Variants in STRADA observed in about 807,000 individuals in gnomAD.
STRADA encodes the protein STE20-related kinase adapter protein alpha.
Under a neutral mutation model 55.0 loss-of-function variants are expected in STRADA, and 26 were observed. The ratio of observed to expected loss-of-function variants is 0.47; its 90% CI spans 0.35 to 0.66. The LOEUF is 0.66. Among genes scored for constraint, STRADA ranks in the 30% least tolerant of loss-of-function variants. The probability of loss-of-function intolerance (pLI) is 0.01; values close to 1 mark genes in which losing one functional copy is unlikely to be tolerated. For missense variants in STRADA, 443 were observed against 549.7 expected, an observed-to-expected ratio of 0.81 and a Z score of 1.94; for synonymous variants, 197 against 210.9, an observed-to-expected ratio of 0.93 and a Z score of 0.57.
At chr17:63,705,437 G>C (rs2036020604) in intron 10 of STRADA, 1 of 161,658 alleles carries the variant, frequency 6.2e-6, no homozygotes, top group Non-Finnish European at 1.4e-5. Flanking sequence ...TTTCTTTCCT[G>C]AGCATCCTCT....
intron 2 of STRADA, 27 bp from the exon 3 acceptor site, chr17:63,726,722 T>C: frequency 6.2e-7 from 1 of 1,612,448 alleles, no homozygotes; most frequent in Non-Finnish European, 8.5e-7. Flanking sequence ...CAAAGAGAAT[T>C]AGTATTTCTT....
chr17:63,741,969 C>G (rs936979988), upstream of STRADA: 9 of 152,270 alleles, frequency 5.9e-5, no homozygotes, highest in Non-Finnish European at 1.5e-5. Flanking sequence ...GCCGCCGCGC[C>G]GAGAGCGGTT....
At chr17:63,710,345 T>C in intron 8 of STRADA, 146 bp downstream of exon 8, 2 of 1,403,814 alleles carry the variant, frequency 1.4e-6, no homozygotes, top group South Asian at 1.4e-5. Context: ...CCTGTTTCTT[T>C]TCAGAGCAAA....
At chr17:63,706,772 C>G (rs1007150306) in intron 9 of STRADA, 33 bp from the exon 10 acceptor site, 21 of 1,550,132 alleles carry the variant, frequency 1.4e-5, no homozygotes, top group Non-Finnish European at 1.8e-5. Flanking sequence ...CAGATTACCC[C>G]ATTTGGTCTT....
At chr17:63,703,976 C>T (rs2035889433) in intron 12 of STRADA, 29 bp downstream of exon 12, 13 of 1,613,416 alleles carry the variant, frequency 8.1e-6, no homozygotes, top group Non-Finnish European at 1.1e-5. Flanking sequence ...AGAACTAGAA[C>T]CAGAACCAGA....
intron 1 of STRADA, among the ~76,000 whole-genome samples, chr17:63,734,849 G>C (rs1165993000): frequency 6.6e-6 from 1 of 152,072 alleles, no homozygotes; most frequent in Non-Finnish European, 1.5e-5. Context: ...TATTAGGAAA[G>C]GTTAACATCT....
chr17:63,738,834 A>AAATAATAATAAT (rs372982779), intron 1 of STRADA, among the ~76,000 whole-genome samples: 1,957 of 146,262 alleles, frequency 0.013, 30 homozygotes, highest in Non-Finnish European at 0.019. Context: ...CTCCATCTCA[A>AAATAATAATAAT]AATAATAATA....
At chr17:63,728,202 C>T in intron 2 of STRADA, 132 bp downstream of exon 2, 4 of 777,860 alleles carry the variant, frequency 5.1e-6, no homozygotes, top group South Asian at 1.8e-5. Context: ...GCACTACCTG[C>T]CTTACTTCCT....
chr17:63,712,496 C>G (rs1418496025), intron 6 of STRADA: 2 of 152,034 alleles, frequency 1.3e-5, no homozygotes, highest in African/African-American at 4.8e-5. Context: ...GTTGATTGCT[C>G]GAGCTCAGGA....
At chr17:63,731,268 T>C (rs1370725291) in intron 1 of STRADA, among the ~76,000 whole-genome samples, 1 of 144,622 alleles carries the variant, frequency 6.9e-6, no homozygotes, top group Non-Finnish European at 1.5e-5. Flanking sequence ...TTTTTTTTTT[T>C]TTTTTTTTTT....
chr17:63,729,920 C>T (rs1187292878), intron 1 of STRADA, among the ~76,000 whole-genome samples: 1 of 151,722 alleles, frequency 6.6e-6, no homozygotes, highest in Admixed American at 6.6e-5. Flanking sequence ...TCACTGCAAC[C>T]TCCGCCTCCC....
Position 63,728,322 on chromosome 17 carries a change from A to G in STRADA, c.36+12T>C. The G allele has an allele frequency of 6.2e-7, 1 of 1,613,194 alleles. No individual in the cohort carries two copies. The highest frequency in any genetic ancestry group is 1.1e-5 in the South Asian group (1 of 90,980). On this transcript the variant is annotated intron_variant, in intron 2 of 12. Transcript: ENST00000336174. Reference sequence around the variant, plus strand: ...AAAAATAGTAAAGCCAGAAGAATAGAAAAACACTCACCCTGATTCGCTCTG... The same window carrying G: ...AAAAATAGTAAAGCCAGAAGAATAGGAAAACACTCACCCTGATTCGCTCTG...
At chr17:63,730,981 C>T (rs1320174362) in intron 1 of STRADA, among the ~76,000 whole-genome samples, 1 of 150,472 alleles carries the variant, frequency 6.6e-6, no homozygotes, top group Non-Finnish European at 1.5e-5. Flanking sequence ...GAGTCTCGCT[C>T]TGTTGCCAGG....
chr17:63,735,089 A>C (rs930088565), intron 1 of STRADA, among the ~76,000 whole-genome samples: 4 of 152,170 alleles, frequency 2.6e-5, no homozygotes, highest in Non-Finnish European at 5.9e-5. Context: ...CAGGAGGGAG[A>C]GGTTGCAGTG....
chr17:63,739,764 G>GTATATATATACATATAT (rs2038733267), intron 1 of STRADA, among the ~76,000 whole-genome samples: 1 of 112,408 alleles, frequency 8.9e-6, no homozygotes, highest in African/African-American at 3.9e-5. Flanking sequence ...ATATATTTAT[G>GTATATATATACATATAT]TATATATGTA....
intron 8 of STRADA, among the ~76,000 whole-genome samples, chr17:63,708,156 C>T (rs1208812878): frequency 6.6e-6 from 1 of 152,144 alleles, no homozygotes; most frequent in African/African-American, 2.4e-5. Flanking sequence ...GCTGGGATTA[C>T]AGGTGTGAAT....
intron 3 of STRADA, 65 bp from the exon 4 acceptor site, chr17:63,723,391 C>G: frequency 6.3e-7 from 1 of 1,586,844 alleles, no homozygotes; most frequent in East Asian, 2.2e-5. Context: ...ACATTCAGAA[C>G]AGCAATTATT....
chr17:63,718,593 C>T (rs757854719), intron 4 of STRADA, among the ~76,000 whole-genome samples: 3 of 152,202 alleles, frequency 2.0e-5, no homozygotes, highest in Non-Finnish European at 2.9e-5. Flanking sequence ...CTCCCCACCC[C>T]AGCCTATGAG....
chr17:63,731,979 C>T (rs1295726178), intron 1 of STRADA, among the ~76,000 whole-genome samples: 1 of 152,176 alleles, frequency 6.6e-6, no homozygotes. Context: ...ATTCTCCTGC[C>T]TCAGCCTCCT....
Sources: allele counts gnomAD v4.1 joint callset (sites outside exome capture counted in the v4.1 genomes callset), GRCh38; gene constraint gnomAD v4.1.1; transcripts MANE v1.5; gene names NCBI Gene and HGNC (gene_info 2026-07-23, HGNC 2026-07-21).